The following PTCH2 variants were observed in gnomAD, a reference collection of about 807,000 sequenced individuals.
PTCH2 encodes patched 2.
In PTCH2, 96 loss-of-function variants were observed where a neutral mutation model predicts 117.9. The ratio of observed to expected loss-of-function variants is 0.81; its 90% CI spans 0.69 to 0.96. PTCH2 has a LOEUF of 0.96. PTCH2 is among the 50% of genes least tolerant of loss of function. PTCH2 has a pLI of 0.00. For synonymous variants in PTCH2, 615 were observed against 660.9 expected (o/e 0.93, Z 1.06); for missense variants, 1,379 against 1,562.5 (o/e 0.88, Z 1.98).
chr1:44,821,701 A>G, downstream of PTCH2: 2 of 1,139,698 alleles, frequency 1.8e-6, no homozygotes, highest in Non-Finnish European at 2.3e-6. Context: ...CGGTCTCCAG[A>G]TTGAACCCAG....
At chr1:44,836,221 T>G (rs747247006) in intron 2 of PTCH2, among the ~76,000 whole-genome samples, 2 of 152,224 alleles carry the variant, frequency 1.3e-5, no homozygotes, top group Non-Finnish European at 1.5e-5. Context: ...CTTTGCCAAG[T>G]GAAGGATTTC....
downstream of PTCH2, chr1:44,819,927 C>G (rs972711406): frequency 3.9e-5 from 6 of 153,278 alleles, no homozygotes; most frequent in Admixed American, 1.3e-4. Flanking sequence ...TAAAAACTCA[C>G]AACTTTCTCT....
chr1:44,823,059 G>A lies in PTCH2; in HGVS notation c.3357+10C>T. The A allele has an allele frequency of 6.2e-7, 1 of 1,611,602 alleles. No homozygotes were observed. The highest frequency in any genetic ancestry group is 8.5e-7 in the Non-Finnish European group (1 of 1,179,092). ...TGGGAGTAGAGGGATGGTGCCGAGGGTGTGGTCACCTCTGGCGGCGGGCCC... is the reference window on the plus strand; with the variant it reads ...TGGGAGTAGAGGGATGGTGCCGAGGATGTGGTCACCTCTGGCGGCGGGCCC... On this transcript the variant is annotated intron_variant, in intron 21 of 21. Coordinates refer to ENST00000372192, the MANE Select transcript of PTCH2 (RefSeq NM_003738.5). This position sits in a 1 kb window ranked among gnomAD's most constrained non-coding sequence, Gnocchi z 5.1.
At position 44,828,967 on chromosome 1, in the gene PTCH2, G is replaced by C; in HGVS notation, c.1464+15C>G. 2 of 1,551,546 alleles carry C rather than the reference G, an allele frequency of 1.3e-6. No homozygotes were observed. Among genetic ancestry groups the C allele is most frequent in the East Asian group, 4.9e-5 (2 of 40,990 alleles). Reference sequence around the variant, plus strand: ...CTGAGCTGCCTCAGATGAGCCCTGGGGGACAAGGCCCCACCTGGAGAGGGG... The same window carrying C: ...CTGAGCTGCCTCAGATGAGCCCTGGCGGACAAGGCCCCACCTGGAGAGGGG... On this transcript the variant is annotated intron_variant, in intron 11 of 21. Transcript: ENST00000372192.
At chr1:44,821,762 A>C (rs904901900), downstream of PTCH2, 15 of 1,299,652 alleles carry the variant, frequency 1.2e-5, no homozygotes, top group African/African-American at 4.6e-5. Flanking sequence ...GTAAGCACTT[A>C]ATCCAGATGA....
At position 44,831,845 on chromosome 1, in the gene PTCH2, T is replaced by C. The variant is rs890865617; in HGVS notation, c.526-48A>G. On this transcript the variant is annotated intron_variant, in intron 4 of 21. Transcript: ENST00000372192. The surrounding 1 kb of genome is among the most constrained non-coding windows in gnomAD (Gnocchi z 4.3). ...CGTCAGTCCTGCCCCACAACCTTTG[T>C]AGGATGCCCTCTGCAATCCCCCTCC... is the stretch of plus-strand genomic sequence containing the variant. The C allele has an allele frequency of 6.3e-7, 1 of 1,595,720 alleles. No individual in the cohort carries two copies. Among genetic ancestry groups the C allele is most frequent in the East Asian group, 2.2e-5 (1 of 44,756 alleles).
rs11573579 is a variant in PTCH2 at position 44,829,617 on chromosome 1, C to T, written c.1080G>A (p.Val360=). Residue 360 remains valine, a synonymous_variant, in exon 8 of 22, where the codon GTG becomes GTA. Transcript: ENST00000372192. The part of the protein sequence containing the change: ...TVLQAWQRRF[V]QLAQEALPEN... Reference sequence around the variant, plus strand: ...CCTTGTCCTTGTCCATACCGACCTGCACAAAGCGCCGCTGCCAGGCTTGTA... The same window carrying T: ...CCTTGTCCTTGTCCATACCGACCTGTACAAAGCGCCGCTGCCAGGCTTGTA... 16 of 1,614,206 alleles carry T rather than the reference C, an allele frequency of 9.9e-6. No individual in the cohort carries two copies. The highest frequency in any genetic ancestry group is 1.4e-5 in the Non-Finnish European group (16 of 1,180,046).
chr1:44,823,199 A>C lies in PTCH2; in HGVS notation c.3258-31T>G. 4.3e-6 allele frequency: 7 copies of C among 1,614,138 alleles called. No individual in the cohort carries two copies. The highest frequency in any genetic ancestry group is 1.3e-5 in the African/African-American group (1 of 75,036). On this transcript the variant is annotated intron_variant, in intron 20 of 21. Transcript: ENST00000372192. This position sits in a 1 kb window ranked among gnomAD's most constrained non-coding sequence, Gnocchi z 5.1. ...GGTAGGGTGTGGGGGGAGTCAGCCC[A>C]GGCCTGTCCTGAGCCCTGCCTCCCT...
Position 44,823,535 on chromosome 1 carries a change from A to G in PTCH2, c.3115-150T>C. 5.7e-6 allele frequency: 6 copies of G among 1,057,812 alleles called. No homozygotes were observed. The Middle Eastern group carries it at 7.1e-4, about 126-fold the overall frequency. 65.5% of individuals were successfully genotyped at this position (1,057,812 alleles called of 1,614,324 possible). On this transcript the variant is annotated intron_variant, in intron 19 of 21. Transcript: ENST00000372192. The surrounding 1 kb of genome is among the most constrained non-coding windows in gnomAD (Gnocchi z 5.1). ...AGTTCATGGGAACTGTACAGGGAGC[A>G]TGCGTGAGTCCTTTTAGGTAACACT...
chr1:44,839,147 G>A (rs978862077), intron 2 of PTCH2, among the ~76,000 whole-genome samples: 4 of 152,052 alleles, frequency 2.6e-5, no homozygotes, highest in Non-Finnish European at 4.4e-5. Flanking sequence ...GGCCAAGGCG[G>A]GCGGATCACA....
chr1:44,841,528 G>A (rs908981305), intron 2 of PTCH2, among the ~76,000 whole-genome samples: 15 of 152,238 alleles, frequency 9.9e-5, no homozygotes, highest in Non-Finnish European at 2.9e-5. Context: ...ACTGAAAGAT[G>A]AATCTTGTTT....
At chr1:44,838,743 T>C (rs983379915) in intron 2 of PTCH2, among the ~76,000 whole-genome samples, 2 of 151,656 alleles carry the variant, frequency 1.3e-5, no homozygotes, top group African/African-American at 4.8e-5. Context: ...TTTTTTTTTT[T>C]TGAGTCTCGC....
intron 2 of PTCH2, among the ~76,000 whole-genome samples, chr1:44,833,147 C>G (rs554354833): frequency 2.0e-5 from 3 of 152,050 alleles, no homozygotes; most frequent in Non-Finnish European, 2.9e-5. Flanking sequence ...TGGATCTTAG[C>G]GCCCCTCCAG....
chr1:44,821,763 A>T (rs1652922000), downstream of PTCH2: 5 of 1,302,312 alleles, frequency 3.8e-6, no homozygotes, highest in African/African-American at 1.5e-5. Context: ...TAAGCACTTA[A>T]TCCAGATGAT....
At chr1:44,820,650 G>A (rs189756125), downstream of PTCH2, 5 of 714,046 alleles carry the variant, frequency 7.0e-6, no homozygotes, top group East Asian at 1.1e-4. Context: ...GTGGCGCTCC[G>A]TGTGTCTGAT....
chr1:44,829,273 C>T lies in PTCH2; in HGVS notation c.1255G>A (p.Ala419Thr), dbSNP rs765975927. 30 of 1,613,366 alleles carry T rather than the reference C, an allele frequency of 1.9e-5. No homozygotes were observed. In the East Asian group the frequency reaches 3.3e-4, roughly 18 times the overall value. Reference sequence around the variant, plus strand: ...AGGCCCACGGAACCCTGGGACTGGGCGCAGTCCCACCGCAGCATGGTCACA... The same window carrying T: ...AGGCCCACGGAACCCTGGGACTGGGTGCAGTCCCACCGCAGCATGGTCACA... ...ACVTMLRWDC[A>T]QSQGSVGLAG... Residue 419 changes from alanine (A) to threonine (T), a missense_variant, in exon 10 of 22, where the codon GCC (alanine) becomes ACC (threonine). Transcript: ENST00000372192.
rs775626797 is a variant in PTCH2, at chr1:44,829,651, C to T, written c.1046G>A (p.Ser349Asn). 1.2e-6 allele frequency: 2 copies of T among 1,614,224 alleles called. No individual in the cohort carries two copies. The highest frequency in any genetic ancestry group is 1.7e-6 in the Non-Finnish European group (2 of 1,180,050). The change falls in exon 8 of 22, where the codon AGC (serine) becomes AAC (asparagine). Residue 349 changes from serine to asparagine, a missense_variant. Transcript: ENST00000372192. The stretch of plus-strand genomic sequence containing the variant: ...CCGCTGCCAGGCTTGTAGCACTGTG[C>T]TGGCCTGCTCCTCACTCCAGCCAAT... ...HDIGWSEEQA[S>N]TVLQAWQRRF...
chr1:44,830,200 C>T (rs1233828470), intron 6 of PTCH2, among the ~76,000 whole-genome samples, 170 bp from the exon 7 acceptor site: 1 of 150,782 alleles, frequency 6.6e-6, no homozygotes, highest in Non-Finnish European at 1.5e-5. Context: ...GCTAGTATCC[C>T]GCAGACAGGA....
intron 19 of PTCH2, among the ~76,000 whole-genome samples, chr1:44,825,677 C>T (rs1419683127): frequency 6.6e-6 from 1 of 151,902 alleles, no homozygotes; most frequent in East Asian, 1.9e-4. Flanking sequence ...CAGGCATGAG[C>T]CACCACGCCC....
Sources: allele counts gnomAD v4.1 joint callset (sites outside exome capture counted in the v4.1 genomes callset), GRCh38; gene constraint gnomAD v4.1.1; non-coding constraint Gnocchi (gnomAD v3.1); transcripts MANE v1.5; gene names NCBI Gene and HGNC (gene_info 2026-07-23, HGNC 2026-07-21).